The following PTPN13 variants were observed in gnomAD, a reference collection of about 807,000 sequenced individuals.
The protein encoded by PTPN13 is protein tyrosine phosphatase non-receptor type 13.
In PTPN13, 191 loss-of-function variants were observed where a neutral mutation model predicts 284.0. That is an observed-to-expected ratio of 0.67 (90% CI 0.60 to 0.76). The LOEUF (loss-of-function observed/expected upper bound fraction) is 0.76, where lower values mean the gene tolerates loss of function less well. Ranked by LOEUF, PTPN13 falls within the 30% of genes least tolerant of loss-of-function variation. The pLI is 0.00. For missense variants in PTPN13, 2,797 were observed against 2,939.9 expected, an observed-to-expected ratio of 0.95 and a Z score of 1.12; for synonymous variants, 986 against 1,022.3, an observed-to-expected ratio of 0.96 and a Z score of 0.68.
rs1738318941 is a variant in PTPN13 at position 86,758,792 on chromosome 4, T to C, written c.3421+7T>C. On this transcript the variant is annotated splice_region_variant and intron_variant, in intron 22 of 47. Coordinates refer to ENST00000411767, the MANE Select transcript of PTPN13 (RefSeq NM_080683.3). The stretch of plus-strand genomic sequence containing the variant: ...GATGGATGCTTGAAGCCAGGTACTT[T>C]ACATTTTGGTAGTTTTCTAAGTATT... 2 of 1,609,512 alleles carry C rather than the reference T, an allele frequency of 1.2e-6. No individual in the cohort carries two copies. The highest frequency in any genetic ancestry group is 1.3e-5 in the African/African-American group (1 of 74,608).
intron 2 of PTPN13, among the ~76,000 whole-genome samples, chr4:86,653,165 A>G (rs1725301315): frequency 6.6e-6 from 1 of 152,020 alleles, no homozygotes; most frequent in South Asian, 2.1e-4. Flanking sequence ...CTTGATGTTC[A>G]TTGAGTTTCC....
chr4:86,700,278 A>G (rs1731009864), intron 6 of PTPN13, among the ~76,000 whole-genome samples: 1 of 152,196 alleles, frequency 6.6e-6, no homozygotes, highest in Non-Finnish European at 1.5e-5. Flanking sequence ...GATAGATATC[A>G]CAGCGATCAC....
chr4:86,609,445 T>C (rs75560328), intron 1 of PTPN13, among the ~76,000 whole-genome samples: 7,066 of 152,246 alleles, frequency 0.046, 222 homozygotes, highest in African/African-American at 0.06. Context: ...TGCTTTTCTG[T>C]ATCCTTCATT....
At chr4:86,672,307 A>C in intron 2 of PTPN13, 58 bp from the exon 3 acceptor site, 1 of 1,393,504 alleles carries the variant, frequency 7.2e-7, no homozygotes, top group East Asian at 2.5e-5. Context: ...TGTGATTATA[A>C]TTTTAAGCAA....
Position 86,805,362 on chromosome 4 carries a change from A to G in PTPN13, c.6738A>G (p.Ile2246Met), listed in dbSNP as rs756903447. ...ENRRKNRYKN[I>M]LPYDATRVPL... ...GAAGGAAGAACAGATATAAAAATAT[A>G]CTTCCCTGTAAGTTCCAGTTTGGCT... Residue 2246 changes from isoleucine to methionine, a missense_variant, in exon 44 of 48, where the codon ATA (isoleucine) becomes ATG (methionine). By Grantham distance (10) the Ile-to-Met change is conservative. Coordinates refer to ENST00000411767, the MANE Select transcript of PTPN13 (RefSeq NM_080683.3). 3.2e-6 allele frequency: 5 copies of G among 1,575,628 alleles called. No individual in the cohort carries two copies. The highest frequency in any genetic ancestry group is 4.3e-6 in the Non-Finnish European group (5 of 1,149,532).
intron 3 of PTPN13, among the ~76,000 whole-genome samples, chr4:86,677,212 A>G (rs1728373974): frequency 6.6e-6 from 1 of 151,866 alleles, no homozygotes; most frequent in Admixed American, 6.5e-5. Flanking sequence ...GCTTGCAGTG[A>G]GCGGAGATCG....
chr4:86,799,012 A>G (rs1565608726), intron 41 of PTPN13, 89 bp from the exon 42 acceptor site: 5 of 777,550 alleles, frequency 6.4e-6, no homozygotes, highest in Admixed American at 3.2e-5. Context: ...TTAAAATACT[A>G]TAATAATTGT....
chr4:86,673,851 C>T (rs916466072), intron 3 of PTPN13, among the ~76,000 whole-genome samples: 14 of 152,054 alleles, frequency 9.2e-5, no homozygotes, highest in Admixed American at 4.6e-4. Flanking sequence ...GGATTACGGG[C>T]ACATGCCAGC....
At chr4:86,718,945 G>A (rs1733336502) in intron 9 of PTPN13, among the ~76,000 whole-genome samples, 1 of 152,096 alleles carries the variant, frequency 6.6e-6, no homozygotes, top group South Asian at 2.1e-4. Flanking sequence ...AGAGGTAGGA[G>A]ACAAAGATCT....
intron 3 of PTPN13, among the ~76,000 whole-genome samples, chr4:86,683,552 A>G (rs561789660): frequency 2.0e-5 from 3 of 152,308 alleles, no homozygotes; most frequent in South Asian, 2.1e-4. Flanking sequence ...TACTCAGTCT[A>G]CTGATGTAAA....
intron 3 of PTPN13, among the ~76,000 whole-genome samples, chr4:86,675,414 G>A (rs79041046): frequency 0.046 from 7,055 of 152,142 alleles, 219 homozygotes; most frequent in African/African-American, 0.06. Context: ...AATGGCAAGG[G>A]CATTTTGAAA....
In PTPN13 at chr4:86,598,230, C is replaced by A. The variant is rs991190564; in HGVS notation, c.-6+3441C>A. 2.6e-5 allele frequency among the ~76,000 whole-genome samples: 4 copies of A among 152,008 alleles called. No homozygotes were observed. The South Asian group carries it at 8.3e-4, about 32-fold the overall frequency. On this transcript the variant is annotated intron_variant, in intron 1 of 47. Transcript: ENST00000411767. The stretch of plus-strand genomic sequence containing the variant: ...CTTGTCTCACTGCAACCTCTGCCCC[C>A]GATCCTGGGTTCAAGCAATTCTCCT...
chr4:86,603,459 A>C (rs939315899), intron 1 of PTPN13, among the ~76,000 whole-genome samples: 1 of 152,140 alleles, frequency 6.6e-6, no homozygotes, highest in Non-Finnish European at 1.5e-5. Context: ...TTCTTTAGAA[A>C]GTGTTTGTGG....
At chr4:86,619,059 G>A (rs1467008596) in intron 1 of PTPN13, among the ~76,000 whole-genome samples, 1 of 152,166 alleles carries the variant, frequency 6.6e-6, no homozygotes, top group Non-Finnish European at 1.5e-5. Context: ...GATACTGACT[G>A]TGGGTTTGAT....
At chr4:86,739,470 C>G (rs187998998) in intron 15 of PTPN13, among the ~76,000 whole-genome samples, 127 of 152,274 alleles carry the variant, frequency 8.3e-4, no homozygotes, top group Non-Finnish European at 1.5e-3. Context: ...TTAAAACCAT[C>G]AGATCTCGTG....
At chr4:86,777,586 G>A (rs977155843) in intron 35 of PTPN13, among the ~76,000 whole-genome samples, 3 of 151,802 alleles carry the variant, frequency 2.0e-5, no homozygotes, top group African/African-American at 7.2e-5. Flanking sequence ...ATCTTGGAAG[G>A]GGATTATTCT....
intron 46 of PTPN13, 50 bp downstream of exon 46, chr4:86,810,034 G>C: frequency 6.8e-7 from 1 of 1,468,446 alleles, no homozygotes; most frequent in Non-Finnish European, 9.4e-7. Context: ...AATAATGATG[G>C]AGTCTAATTT....
chr4:86,803,031 C>A (rs893120439), intron 42 of PTPN13, among the ~76,000 whole-genome samples: 3 of 149,876 alleles, frequency 2.0e-5, no homozygotes, highest in African/African-American at 7.4e-5. Flanking sequence ...TGTGATTGTG[C>A]CATTGCACTT....
chr4:86,626,064 T>C (rs1345568281), intron 1 of PTPN13, among the ~76,000 whole-genome samples: 1 of 152,174 alleles, frequency 6.6e-6, no homozygotes, highest in Non-Finnish European at 1.5e-5. Context: ...TGTTTTCTGT[T>C]GGTACCTTCC....
Sources: allele counts gnomAD v4.1 joint callset (sites outside exome capture counted in the v4.1 genomes callset), GRCh38; gene constraint gnomAD v4.1.1; transcripts MANE v1.5; gene names NCBI Gene and HGNC (gene_info 2026-07-23, HGNC 2026-07-21).